Variants in AFF1 observed in about 807,000 individuals in gnomAD.
AFF1 encodes AF4/FMR2 family member 1.
Under a neutral mutation model 121.7 loss-of-function variants are expected in AFF1, and 48 were observed. The ratio of observed to expected loss-of-function variants is 0.39; its 90% confidence interval spans 0.31 to 0.50. AFF1 has a LOEUF of 0.50. AFF1 is among the 20% of genes least tolerant of loss of function. The pLI, the probability that AFF1 is intolerant of heterozygous loss-of-function variation, is 0.76. For synonymous variants in AFF1, 613 were observed against 563.0 expected, an observed-to-expected ratio of 1.09 and a Z score of -1.26; for missense variants, 1,523 against 1,511.7, an observed-to-expected ratio of 1.01 and a Z score of -0.12.
chr4:87,059,166 T>G (rs1228588298), intron 4 of AFF1, among the ~76,000 whole-genome samples: 1 of 152,186 alleles, frequency 6.6e-6, no homozygotes, highest in Admixed American at 6.5e-5. Context: ...AACACCAGAG[T>G]GATTTTCTAG....
chr4:87,060,321 T>G (rs1279546110), intron 4 of AFF1, among the ~76,000 whole-genome samples: 1 of 152,182 alleles, frequency 6.6e-6, no homozygotes, highest in Non-Finnish European at 1.5e-5. Flanking sequence ...GGTGCTTTCT[T>G]TTGTATTAAA....
intron 2 of AFF1, among the ~76,000 whole-genome samples, chr4:86,980,036 G>A (rs1023221607): frequency 6.6e-6 from 1 of 152,068 alleles, no homozygotes; most frequent in Non-Finnish European, 1.5e-5. Flanking sequence ...TCAGCCTGCC[G>A]AGTAGGTGGG....
intron 8 of AFF1, among the ~76,000 whole-genome samples, chr4:87,097,256 A>G (rs342452): frequency 0.55 from 84,020 of 152,018 alleles, 23,816 homozygotes; most frequent in Middle Eastern, 0.68. Context: ...GGGTGGAGCA[A>G]TTGCACCGAA....
At chr4:87,081,151 A>ACT (rs1560606159) in intron 4 of AFF1, among the ~76,000 whole-genome samples, 1 of 101,664 alleles carries the variant, frequency 9.8e-6, no homozygotes, top group Non-Finnish European at 1.9e-5. Flanking sequence ...TAATGAAATG[A>ACT]ATTTTTTTTT....
At chr4:87,084,085 T>G (rs1040848220) in intron 4 of AFF1, 35 bp from the exon 5 acceptor site, 1 of 1,609,426 alleles carries the variant, frequency 6.2e-7, no homozygotes, top group Non-Finnish European at 8.5e-7. Flanking sequence ...TGACTCTGGT[T>G]TGCTAACCTT....
chr4:87,015,164 T>C (rs986551308), intron 2 of AFF1, among the ~76,000 whole-genome samples: 11 of 152,214 alleles, frequency 7.2e-5, no homozygotes, highest in Non-Finnish European at 1.3e-4. Flanking sequence ...TCCTTTTATA[T>C]TTTTTCAGGT....
At chr4:87,016,212 G>T (rs1053932927) in intron 2 of AFF1, among the ~76,000 whole-genome samples, 4 of 151,818 alleles carry the variant, frequency 2.6e-5, no homozygotes, top group Non-Finnish European at 4.4e-5. Flanking sequence ...GAGGGAAGAG[G>T]GGAATAGTTA....
At chr4:87,105,305 C>T (rs376751666) in intron 8 of AFF1, among the ~76,000 whole-genome samples, 10 of 152,314 alleles carry the variant, frequency 6.6e-5, no homozygotes, top group African/African-American at 1.9e-4. Flanking sequence ...GGACTTTAGT[C>T]TCAGGGCTCG....
chr4:86,988,193 CCTTCT>C (rs1254162231), intron 2 of AFF1, among the ~76,000 whole-genome samples: 2 of 152,078 alleles, frequency 1.3e-5, no homozygotes, highest in Admixed American at 6.6e-5. Context: ...ACATTTCAAA[CCTTCT>C]CTTGCAACTG....
intron 8 of AFF1, among the ~76,000 whole-genome samples, chr4:87,099,762 A>G (rs1313698476): frequency 1.3e-5 from 2 of 152,206 alleles, no homozygotes; most frequent in African/African-American, 4.8e-5. Flanking sequence ...ACTGTGGTCA[A>G]TAAGACAAAA....
At chr4:86,991,288 CA>C (rs956262105) in intron 2 of AFF1, among the ~76,000 whole-genome samples, 1 of 150,938 alleles carries the variant, frequency 6.6e-6, no homozygotes, top group South Asian at 2.1e-4. Context: ...ACTAAAAATA[CA>C]AAAAAATTAG....
chr4:87,114,269 C>T (rs1233678651), intron 11 of AFF1, 98 bp from the exon 12 acceptor site: 2 of 1,085,644 alleles, frequency 1.8e-6, no homozygotes, highest in African/African-American at 3.2e-5. Context: ...AGTATTTGCT[C>T]CTCTGCAGGA....
intron 2 of AFF1, among the ~76,000 whole-genome samples, chr4:87,002,104 CTTTT>C (rs764965353): frequency 7.0e-6 from 1 of 141,972 alleles, no homozygotes; most frequent in African/African-American, 2.6e-5. Flanking sequence ...TTTTCTTTTC[CTTTT>C]TTTTTTTTTT....
intron 12 of AFF1, among the ~76,000 whole-genome samples, chr4:87,124,625 G>A (rs576562075): frequency 4.4e-4 from 67 of 152,208 alleles, no homozygotes; most frequent in Admixed American, 3.3e-3. Flanking sequence ...TGGTTCTTTC[G>A]AAAGAAGTTG....
rs544541984 is a variant in AFF1, at chr4:87,012,454, A to G, written c.39-33712A>G. Among the ~76,000 whole-genome samples the G allele has an allele frequency of 5.9e-5, 9 of 152,294 alleles. No homozygotes were observed. In the South Asian group the frequency reaches 1.9e-3, roughly 32 times the overall value. ...ATAGAAACATATAGTGAGGCTAAGT[A>G]TAATCTCTTTGTTGTGGTTGGTTCA... On this transcript the variant is annotated intron_variant, in intron 2 of 20. Coordinates refer to ENST00000395146, the MANE Select transcript of AFF1 (RefSeq NM_001166693.3).
intron 1 of AFF1, among the ~76,000 whole-genome samples, chr4:86,938,487 GTA>G (rs977939306): frequency 2.0e-5 from 3 of 150,368 alleles, no homozygotes; most frequent in African/African-American, 4.9e-5. Flanking sequence ...AAAAGTAAGT[GTA>G]TTTACCATAA....
chr4:86,995,960 C>T (rs1725139965), intron 2 of AFF1, among the ~76,000 whole-genome samples: 3 of 118,464 alleles, frequency 2.5e-5, no homozygotes, highest in Non-Finnish European at 6.4e-5. Flanking sequence ...TCTGCCCGGC[C>T]GCCCCGTCTG....
chr4:87,022,644 A>ATG (rs1270843439), intron 2 of AFF1, among the ~76,000 whole-genome samples: 23 of 139,260 alleles, frequency 1.7e-4, no homozygotes, highest in African/African-American at 5.4e-4. Context: ...GCGTGTATAT[A>ATG]TGTGTGTGTA....
intron 2 of AFF1, among the ~76,000 whole-genome samples, chr4:86,995,315 C>T (rs1578921372): frequency 7.5e-6 from 1 of 133,674 alleles, no homozygotes; most frequent in South Asian, 2.3e-4. Flanking sequence ...CCCCTCTCCC[C>T]ACGGTCTCCC....
Sources: allele counts gnomAD v4.1 joint callset (sites outside exome capture counted in the v4.1 genomes callset), GRCh38; gene constraint gnomAD v4.1.1; transcripts MANE v1.5; gene names NCBI Gene and HGNC (gene_info 2026-07-23, HGNC 2026-07-21).